Variants in DEGS2 observed in about 807,000 individuals in gnomAD.
DEGS2 encodes delta 4-desaturase, sphingolipid 2, also known as sphingolipid delta(4)-desaturase/C4-monooxygenase DES2.
In DEGS2, 19 loss-of-function variants were observed where a neutral mutation model predicts 23.8. The ratio of observed to expected loss-of-function variants is 0.80; its 90% CI spans 0.56 to 1.17. The LOEUF (loss-of-function observed/expected upper bound fraction) is 1.17, where lower values mean the gene tolerates loss of function less well. DEGS2 is among the 50% of genes most tolerant of loss of function. The probability of loss-of-function intolerance (pLI) is 0.00; values close to 1 mark genes in which losing one functional copy is unlikely to be tolerated. For synonymous variants in DEGS2, 218 were observed against 213.7 expected, an observed-to-expected ratio of 1.02 and a Z score of -0.18; for missense variants, 390 against 459.5, an observed-to-expected ratio of 0.85 and a Z score of 1.38.
the DEGS2 span, among the ~76,000 whole-genome samples, chr14:100,164,915 CCAA>C: frequency 3.3e-5 from 5 of 152,162 alleles, no homozygotes; most frequent in Non-Finnish European, 7.3e-5. Context: ...ACTCCAATGT[CCAA>C]CAACAACAAA....
chr14:100,148,827 A>T, intron 2 of DEGS2, 141 bp downstream of exon 2: 1 of 982,624 alleles, frequency 1.0e-6, no homozygotes, highest in African/African-American at 1.6e-5. Context: ...TGCCCTGGGG[A>T]CAAGTGCAAG....
At position 100,149,488 on chromosome 14, in the gene DEGS2, G is replaced by C; in HGVS notation, c.305C>G (p.Ala102Gly). 6.3e-7 allele frequency: 1 copy of C among 1,598,126 alleles called. No homozygotes were observed. The highest frequency in any genetic ancestry group is 8.5e-7 in the Non-Finnish European group (1 of 1,173,658). The change falls in exon 2 of 3, where the codon GCG becomes GGG. Residue 102 changes from alanine (A) to glycine (G), a missense_variant. Ala to Gly is a moderately conservative substitution (Grantham distance 60). Coordinates refer to ENST00000305631, the MANE Select transcript of DEGS2 (RefSeq NM_206918.3). ...SHNAAFGTGR[A>G]ARNRWLAVFA... ...CACGGCCAGCCAGCGGTTGCGTGCC[G>C]CACGGCCCGTGCCGAAGGCCGCGTT... is the stretch of plus-strand genomic sequence containing the variant.
At position 100,148,961 on chromosome 14, in the gene DEGS2, C is replaced by A. The variant is rs1390985940; in HGVS notation, c.825+7G>T. The A allele has an allele frequency of 1.9e-6, 3 of 1,610,360 alleles. No homozygotes were observed. The highest frequency in any genetic ancestry group is 2.5e-6 in the Non-Finnish European group (3 of 1,178,284). The stretch of plus-strand genomic sequence containing the variant: ...CCCGCCGCAGCCCTGCCAGCCCAGC[C>A]ACATACCAGCGGCAGGTTGTAGCCC... On this transcript the variant is annotated splice_region_variant and intron_variant, in intron 2 of 2. Transcript: ENST00000305631.
intron 1 of DEGS2, among the ~76,000 whole-genome samples, chr14:100,152,881 AATGG>A (rs138869050): frequency 8.0e-5 from 12 of 149,118 alleles, no homozygotes; most frequent in Non-Finnish European, 1.0e-4. Context: ...CCCCTCTTCG[AATGG>A]ATGGATGGAT....
At chr14:100,149,794 G>T in intron 1 of DEGS2, 84 bp from the exon 2 acceptor site, 1 of 1,413,992 alleles carries the variant, frequency 7.1e-7, no homozygotes, top group Non-Finnish European at 9.6e-7. Flanking sequence ...GTGGCCGAGG[G>T]GTGAGAAGGT....
chr14:100,153,290 G>GAT (rs1889606227), intron 1 of DEGS2, among the ~76,000 whole-genome samples: 1 of 124,360 alleles, frequency 8.0e-6, no homozygotes, highest in Non-Finnish European at 1.8e-5. Context: ...TAGATAGATA[G>GAT]ATAGATAGAT....
At position 100,146,512 on chromosome 14, in the gene DEGS2, G is replaced by A; in HGVS notation, c.*249C>T. 1 of 502,638 alleles carries A rather than the reference G, an allele frequency of 2.0e-6. No individual in the cohort carries two copies. The highest frequency in any genetic ancestry group is 3.7e-5 in the East Asian group (1 of 27,062). The allele number at this position is 502,638 out of a possible 1,614,324, so 31.1% of individuals were successfully genotyped here. ...GGGCTCAGAGCACCCAGGTCATGGT[G>A]GGGCAGGGCCAGGCCTCACCTGGGG... On this transcript the variant is annotated 3_prime_UTR_variant, in exon 3 of 3. Coordinates refer to ENST00000305631, the MANE Select transcript of DEGS2 (RefSeq NM_206918.3).
chr14:100,147,499 G>C (rs1201484189), intron 2 of DEGS2, among the ~76,000 whole-genome samples: 1 of 152,020 alleles, frequency 6.6e-6, no homozygotes, highest in Non-Finnish European at 1.5e-5. Context: ...TTGAGCACCT[G>C]CTGTCCCCTC....
upstream of DEGS2, among the ~76,000 whole-genome samples, chr14:100,160,881 AG>A (rs1889738396): frequency 6.6e-6 from 1 of 152,214 alleles, no homozygotes. Flanking sequence ...TTCCATCAGC[AG>A]GGGGACCCAC....
intron 1 of DEGS2, chr14:100,155,492 T>C (rs1889642966): frequency 6.6e-6 from 1 of 152,292 alleles, no homozygotes; most frequent in Non-Finnish European, 1.5e-5. Context: ...GTGTGGCAAG[T>C]GTCCAGCTTC....
intron 1 of DEGS2, among the ~76,000 whole-genome samples, chr14:100,153,301 AGAT>A (rs1249353915): frequency 6.6e-6 from 1 of 150,770 alleles, no homozygotes; most frequent in African/African-American, 2.4e-5. Context: ...ATAGATAGAT[AGAT>A]AATAGATGTG....
intron 1 of DEGS2, among the ~76,000 whole-genome samples, chr14:100,159,018 C>A (rs529752542): frequency 4.3e-4 from 66 of 152,346 alleles, no homozygotes; most frequent in African/African-American, 1.4e-3. Context: ...CCCTTCCCGG[C>A]GCTCATCCGC....
upstream of DEGS2, among the ~76,000 whole-genome samples, chr14:100,164,215 G>T (rs961289248): frequency 6.6e-6 from 1 of 152,036 alleles, no homozygotes; most frequent in African/African-American, 2.4e-5. Flanking sequence ...TTCCAGGGGT[G>T]AGCCCCCGCG....
At position 100,149,603 on chromosome 14, in the gene DEGS2, G is replaced by A. The variant is rs752286884; in HGVS notation, c.190C>T (p.Leu64=). 3.1e-6 allele frequency: 5 copies of A among 1,610,392 alleles called. No homozygotes were observed. In the African/African-American group the frequency reaches 4.0e-5, roughly 13 times the overall value. The part of the protein sequence containing the change: ...QMLACWLVRG[L]AWRWLLFWAY... Reference sequence around the variant, plus strand: ...CAGAACAGCAGCCAGCGCCAGGCCAGCCCGCGCACCAGCCAGCAGGCCAGC... The same window carrying A: ...CAGAACAGCAGCCAGCGCCAGGCCAACCCGCGCACCAGCCAGCAGGCCAGC... The change falls in exon 2 of 3, where the codon CTG becomes TTG. Residue 64 remains leucine, a synonymous_variant. Coordinates refer to ENST00000305631, the MANE Select transcript of DEGS2 (RefSeq NM_206918.3).
chr14:100,160,689 G>T (rs1200050624), upstream of DEGS2, among the ~76,000 whole-genome samples: 1 of 152,228 alleles, frequency 6.6e-6, no homozygotes, highest in Admixed American at 6.5e-5. Context: ...CATAGTGAGG[G>T]CGTGCTTCTG....
chr14:100,166,598 A>G, the DEGS2 span, among the ~76,000 whole-genome samples: 2 of 152,030 alleles, frequency 1.3e-5, no homozygotes, highest in African/African-American at 4.8e-5. Context: ...CCTGAGCACG[A>G]GCTTACCAGG....
chr14:100,161,287 A>AC, upstream of DEGS2, among the ~76,000 whole-genome samples: 1 of 152,354 alleles, frequency 6.6e-6, no homozygotes, highest in South Asian at 2.1e-4. Flanking sequence ...GAGGAAACTC[A>AC]CCAAGGCCCT....
chr14:100,147,001 G>A, intron 2 of DEGS2, 94 bp from the exon 3 acceptor site: 1 of 1,425,018 alleles, frequency 7.0e-7, no homozygotes, highest in Non-Finnish European at 9.6e-7. Context: ...CGGTGGGCAT[G>A]CACATGCATA....
chr14:100,152,091 G>A, intron 1 of DEGS2, among the ~76,000 whole-genome samples: 1 of 152,210 alleles, frequency 6.6e-6, no homozygotes, highest in East Asian at 1.9e-4. Context: ...CAAGAAGAGA[G>A]AGCAGGTGTC....
Sources: allele counts gnomAD v4.1 joint callset (sites outside exome capture counted in the v4.1 genomes callset), GRCh38; gene constraint gnomAD v4.1.1; transcripts MANE v1.5; gene names NCBI Gene and HGNC (gene_info 2026-07-23, HGNC 2026-07-21).